The following CFAP119 variants were observed in gnomAD, a reference collection of about 807,000 sequenced individuals.
CFAP119 encodes cilia and flagella associated protein 119.
the CFAP119 span, chr16:30,759,105 C>T: frequency 1.9e-6 from 3 of 1,614,214 alleles, no homozygotes; most frequent in South Asian, 3.3e-5. Context: ...TCTTTCTCTG[C>T]AAACCAGAAG....
the CFAP119 span, chr16:30,759,919 A>G: frequency 1.4e-6 from 2 of 1,441,570 alleles, no homozygotes; most frequent in Non-Finnish European, 9.1e-7. Flanking sequence ...GCACTGAACA[A>G]GACAGACAAG....
chr16:30,760,914 C>T, the CFAP119 span: 1 of 614,576 alleles, frequency 1.6e-6, no homozygotes, highest in Non-Finnish European at 2.9e-6. Context: ...CCTTGTATGA[C>T]CTTGGTCAAG....
the CFAP119 span, chr16:30,757,488 G>T: frequency 1.2e-6 from 2 of 1,613,818 alleles, no homozygotes; most frequent in Non-Finnish European, 1.7e-6. Context: ...ACTTGGTCTT[G>T]CTCTTGCCTT....
chr16:30,761,444 C>A, the CFAP119 span: 169 of 1,494,888 alleles, frequency 1.1e-4, no homozygotes, highest in East Asian at 2.0e-3. Flanking sequence ...CCAAGCAGCC[C>A]GGGAGACGTC....
the CFAP119 span, chr16:30,759,496 T>G: frequency 1.9e-6 from 3 of 1,614,098 alleles, no homozygotes; most frequent in South Asian, 3.3e-5. Flanking sequence ...CTGACTACCT[T>G]CCGGAGCCCT....
chr16:30,760,381 G>A, the CFAP119 span: 2 of 1,614,202 alleles, frequency 1.2e-6, no homozygotes, highest in Non-Finnish European at 1.7e-6. Context: ...GCGCGTGGCA[G>A]AAGAGGTCCA....
chr16:30,761,124 G>T, the CFAP119 span: 1 of 1,529,096 alleles, frequency 6.5e-7, no homozygotes, highest in Non-Finnish European at 9.0e-7. Flanking sequence ...GGATGCCCTG[G>T]CCACAGACAG....
At chr16:30,758,959 C>A in the CFAP119 span, 1 of 1,606,240 alleles carries the variant, frequency 6.2e-7, no homozygotes, top group Admixed American at 1.7e-5. Context: ...CCAAACCCTT[C>A]ATTCTACACC....
At chr16:30,760,243 C>T in the CFAP119 span, 5 of 1,613,746 alleles carry the variant, frequency 3.1e-6, no homozygotes, top group Admixed American at 6.7e-5. Flanking sequence ...CCCGGTTCCT[C>T]TTCTCCCTGG....
chr16:30,761,777 C>A, the CFAP119 span: 2 of 1,497,974 alleles, frequency 1.3e-6, no homozygotes, highest in Non-Finnish European at 1.8e-6. Context: ...CGCGAGGCGC[C>A]CCGGGCTCCC....
chr16:30,761,015 C>G, the CFAP119 span: 1 of 663,914 alleles, frequency 1.5e-6, no homozygotes, highest in South Asian at 1.9e-5. Context: ...CTCTTTTTTT[C>G]TCACACTGCC....
chr16:30,760,413 T>C, the CFAP119 span: 1 of 1,614,172 alleles, frequency 6.2e-7, no homozygotes. Context: ...TCCCTCAGGC[T>C]CTGCTCAGGA....
the CFAP119 span, chr16:30,757,658 CAGGGGCAGGGAAGA>C: frequency 9.9e-6 from 16 of 1,608,140 alleles, no homozygotes; most frequent in Admixed American, 1.3e-4. Flanking sequence ...ATGTGGCCTG[CAGGGGCAGGGAAGA>C]AGGGGCAGGG....
chr16:30,760,395 T>C, the CFAP119 span: 1 of 1,614,134 alleles, frequency 6.2e-7, no homozygotes, highest in Non-Finnish European at 8.5e-7. Flanking sequence ...AGGTCCAGGG[T>C]GATGGCGTCC....
chr16:30,758,072 C>CT, the CFAP119 span: 820 of 140,214 alleles, frequency 5.8e-3, 1 homozygote, highest in African/African-American at 0.01. Flanking sequence ...TTGGCTTTCT[C>CT]TTTTTTTTTT....
chr16:30,759,374 A>C, the CFAP119 span: 15 of 1,614,118 alleles, frequency 9.3e-6, no homozygotes, highest in Non-Finnish European at 1.3e-5. Context: ...TAGAGCTTGA[A>C]GTGGCGGAAG....
At chr16:30,759,705 C>T in the CFAP119 span, 6 of 1,612,442 alleles carry the variant, frequency 3.7e-6, no homozygotes, top group South Asian at 1.1e-5. Flanking sequence ...AGCACTCCTC[C>T]ACGTTGCCCA....
chr16:30,757,658 C>A, the CFAP119 span: 1 of 1,608,258 alleles, frequency 6.2e-7, no homozygotes, highest in Non-Finnish European at 8.5e-7. Context: ...ATGTGGCCTG[C>A]AGGGGCAGGG....
chr16:30,757,831 G>A, the CFAP119 span: 9 of 1,410,892 alleles, frequency 6.4e-6, no homozygotes, highest in African/African-American at 4.3e-5. Context: ...GTTGGGTAGG[G>A]TGGCTATGCT....
Sources: allele counts gnomAD v4.1 joint callset, GRCh38; gene constraint gnomAD v4.1.1; transcripts MANE v1.5; gene names NCBI Gene and HGNC (gene_info 2026-07-23, HGNC 2026-07-21).